ST6GALNAC5: variants seen among roughly 807,000 people sequenced by gnomAD.
ST6GALNAC5 encodes the protein ST6 N-acetylgalactosaminide alpha-2,6-sialyltransferase 5, also known as alpha-N-acetylgalactosaminide alpha-2,6-sialyltransferase 5.
ST6GALNAC5 carries 27 observed loss-of-function variants against 33.6 expected under a neutral mutation model. The observed-to-expected ratio is 0.80, with a 90% confidence interval of 0.59 to 1.11. The LOEUF is 1.11. ST6GALNAC5 is among the 50% of genes least tolerant of loss of function. ST6GALNAC5 has a pLI of 0.00. For synonymous variants in ST6GALNAC5, 194 were observed against 171.2 expected, an observed-to-expected ratio of 1.13 and a Z score of -1.04; for missense variants, 428 against 454.0, an observed-to-expected ratio of 0.94 and a Z score of 0.52.
chr1:76,978,160 T>G (rs951110940), intron 2 of ST6GALNAC5, among the ~76,000 whole-genome samples: 2 of 152,168 alleles, frequency 1.3e-5, no homozygotes, highest in East Asian at 3.8e-4. Flanking sequence ...TGTTGCCCAT[T>G]ATTAATCACA....
intron 2 of ST6GALNAC5, among the ~76,000 whole-genome samples, chr1:77,013,827 A>G (rs1650729345): frequency 6.6e-6 from 1 of 152,230 alleles, no homozygotes. Context: ...AGGGCTGTTT[A>G]AAGTAGCTGC....
In ST6GALNAC5 at chr1:76,926,009, C is replaced by T. The variant is rs941969440; in HGVS notation, c.261+57267C>T. 1.8e-4 allele frequency among the ~76,000 whole-genome samples: 28 copies of T among 152,282 alleles called. No homozygotes were observed. In the East Asian group the frequency reaches 4.6e-3, roughly 25 times the overall value. On this transcript the variant is annotated intron_variant, in intron 2 of 4. Coordinates refer to ENST00000477717, the MANE Select transcript of ST6GALNAC5 (RefSeq NM_030965.3). ...CAGAAACCTGGCCAAGTTCGCAGAA[C>T]TCTGACAGCTCCGTGCCTCCCACTC...
intron 2 of ST6GALNAC5, among the ~76,000 whole-genome samples, chr1:76,869,991 AT>A (rs1306465484): frequency 3.9e-5 from 6 of 152,200 alleles, no homozygotes; most frequent in Non-Finnish European, 1.5e-5. Context: ...AAAAAGTGGA[AT>A]TTTGCAATGA....
At chr1:76,890,157 T>C (rs1259912614) in intron 2 of ST6GALNAC5, among the ~76,000 whole-genome samples, 5 of 152,206 alleles carry the variant, frequency 3.3e-5, no homozygotes, top group Non-Finnish European at 7.4e-5. Context: ...CCCTACAAAC[T>C]AGAACTAAAG....
intron 2 of ST6GALNAC5, among the ~76,000 whole-genome samples, chr1:76,997,396 TA>T (rs1441993674): frequency 6.6e-6 from 1 of 152,092 alleles, no homozygotes; most frequent in Non-Finnish European, 1.5e-5. Flanking sequence ...AAACATGGAG[TA>T]TGGCAACAAT....
chr1:76,904,752 GA>G (rs1431313480), intron 2 of ST6GALNAC5, among the ~76,000 whole-genome samples: 1 of 152,082 alleles, frequency 6.6e-6, no homozygotes, highest in Non-Finnish European at 1.5e-5. Context: ...TTGAACCTGG[GA>G]GGCAGAGGTT....
chr1:77,016,543 G>A (rs544715047), intron 2 of ST6GALNAC5, among the ~76,000 whole-genome samples: 6 of 151,676 alleles, frequency 4.0e-5, no homozygotes, highest in African/African-American at 1.5e-4. Context: ...CCCCCTGAAA[G>A]AAGGCCATAT....
intron 2 of ST6GALNAC5, among the ~76,000 whole-genome samples, chr1:76,877,071 C>T (rs1215938401): frequency 6.6e-6 from 1 of 152,196 alleles, no homozygotes; most frequent in Non-Finnish European, 1.5e-5. Flanking sequence ...CCAGAAAACA[C>T]TCAGTTCATG....
At chr1:77,003,564 T>C (rs896157474) in intron 2 of ST6GALNAC5, among the ~76,000 whole-genome samples, 3 of 151,944 alleles carry the variant, frequency 2.0e-5, no homozygotes, top group Non-Finnish European at 2.9e-5. Flanking sequence ...TGCTCATTAG[T>C]TGATGCAGTT....
chr1:77,064,080 T>C lies in ST6GALNAC5; in HGVS notation c.*874T>C, dbSNP rs1652694403. 2.6e-5 allele frequency: 4 copies of C among 152,216 alleles called. No homozygotes were observed. The highest frequency in any genetic ancestry group is 2.9e-5 in the Non-Finnish European group (2 of 68,030). 9.4% of individuals were successfully genotyped at this position (152,216 alleles called of 1,614,324 possible). ...AGAGAAATTTAAAGGTAGTTTTCTT[T>C]AGTAATAATTTATGTAAGTGTCCTC... On this transcript the variant is annotated 3_prime_UTR_variant, in exon 5 of 5. Transcript: ENST00000477717.
chr1:76,886,403 T>C (rs942579269), intron 2 of ST6GALNAC5, among the ~76,000 whole-genome samples: 1 of 152,166 alleles, frequency 6.6e-6, no homozygotes, highest in African/African-American at 2.4e-5. Context: ...ATCTCAGAAC[T>C]CCAGCTATTC....
chr1:77,059,436 T>C (rs1652503971), intron 4 of ST6GALNAC5, among the ~76,000 whole-genome samples: 1 of 152,212 alleles, frequency 6.6e-6, no homozygotes, highest in Admixed American at 6.5e-5. Flanking sequence ...GGGGTTTATC[T>C]AATGTTTTCC....
intron 2 of ST6GALNAC5, among the ~76,000 whole-genome samples, chr1:77,041,188 C>A (rs1466539651): frequency 6.6e-6 from 1 of 152,200 alleles, no homozygotes; most frequent in African/African-American, 2.4e-5. Flanking sequence ...TGCTGGTTTC[C>A]ATTACATAAT....
intron 2 of ST6GALNAC5, among the ~76,000 whole-genome samples, chr1:77,009,411 A>G (rs1650546474): frequency 6.6e-6 from 1 of 152,180 alleles, no homozygotes; most frequent in Non-Finnish European, 1.5e-5. Flanking sequence ...CACTATAAAC[A>G]TGGCACGCAG....
chr1:76,985,009 G>A (rs539694658), intron 2 of ST6GALNAC5, among the ~76,000 whole-genome samples: 16 of 152,174 alleles, frequency 1.1e-4, no homozygotes, highest in South Asian at 4.1e-4. Context: ...TTGATGGAAC[G>A]TATCTCAAAA....
intron 2 of ST6GALNAC5, among the ~76,000 whole-genome samples, chr1:76,909,721 A>G (rs904037134): frequency 6.6e-6 from 1 of 152,086 alleles, no homozygotes; most frequent in African/African-American, 2.4e-5. Context: ...GCTCAAATGG[A>G]TGAGTTGCAT....
At chr1:76,969,424 G>A (rs1557741478) in intron 2 of ST6GALNAC5, among the ~76,000 whole-genome samples, 1 of 152,216 alleles carries the variant, frequency 6.6e-6, no homozygotes, top group Non-Finnish European at 1.5e-5. Context: ...CTTGCTCACT[G>A]CTAGTGCAGC....
chr1:76,965,978 G>A (rs1256019813), intron 2 of ST6GALNAC5, among the ~76,000 whole-genome samples: 1 of 152,128 alleles, frequency 6.6e-6, no homozygotes, highest in Non-Finnish European at 1.5e-5. Context: ...ATCTGTTTTG[G>A]TACCAGTGCC....
At chr1:76,993,338 G>A (rs1480577229) in intron 2 of ST6GALNAC5, among the ~76,000 whole-genome samples, 1 of 152,136 alleles carries the variant, frequency 6.6e-6, no homozygotes, top group Non-Finnish European at 1.5e-5. Context: ...CTACCCATCA[G>A]TGCCAAATTT....
Sources: allele counts gnomAD v4.1 joint callset (sites outside exome capture counted in the v4.1 genomes callset), GRCh38; gene constraint gnomAD v4.1.1; transcripts MANE v1.5; gene names NCBI Gene and HGNC (gene_info 2026-07-23, HGNC 2026-07-21).